HMGCLL1: variants seen among roughly 807,000 people sequenced by gnomAD.
HMGCLL1 encodes 3-hydroxymethyl-3-methylglutaryl-CoA lyase, cytoplasmic.
In HMGCLL1, 36 loss-of-function variants were observed where a neutral mutation model predicts 39.1. The ratio of observed to expected loss-of-function variants is 0.92; its 90% CI spans 0.71 to 1.22. The LOEUF (loss-of-function observed/expected upper bound fraction) is 1.22. Among genes scored for constraint, HMGCLL1 ranks in the 50% most tolerant of loss-of-function variants. HMGCLL1 has a pLI of 0.00. For synonymous variants in HMGCLL1, 149 were observed against 144.0 expected, an observed-to-expected ratio of 1.03 and a Z score of -0.25; for missense variants, 451 against 416.5, an observed-to-expected ratio of 1.08 and a Z score of -0.72.
At position 55,516,573 on chromosome 6, in the gene HMGCLL1, T is replaced by A. The variant is rs931592302; in HGVS notation, c.328A>T (p.Ile110Phe). 2 of 1,601,570 alleles carry A rather than the reference T, an allele frequency of 1.2e-6. No homozygotes were observed. The highest frequency in any genetic ancestry group is 1.3e-5 in the African/African-American group (1 of 74,810). ...MADHTEVMKG[I>F]HQYPGVRYPV... ...TAGCGAACTCCTGGATATTGATGAA[T>A]GCCTTTCATTACTTCAGTGTGATCA... Residue 110 changes from isoleucine to phenylalanine, a missense_variant, in exon 4 of 9, where the codon ATT becomes TTT. Coordinates refer to ENST00000274901, the MANE Select transcript of HMGCLL1 (RefSeq NM_001042406.2).
At chr6:55,586,803 C>T in the HMGCLL1 span, among the ~76,000 whole-genome samples, 1 of 151,908 alleles carries the variant, frequency 6.6e-6, no homozygotes, top group Non-Finnish European at 1.5e-5. Context: ...TATCGTTGGA[C>T]ATTTGGGTTG....
the HMGCLL1 span, among the ~76,000 whole-genome samples, chr6:55,610,477 A>T: frequency 2.6e-5 from 4 of 152,026 alleles, no homozygotes; most frequent in Admixed American, 6.6e-5. Context: ...GGCAGACAAG[A>T]TTAGAGAAAA....
intron 1 of HMGCLL1, among the ~76,000 whole-genome samples, chr6:55,552,404 T>C (rs1468823368): frequency 6.6e-6 from 1 of 152,038 alleles, no homozygotes. Context: ...AGGTAGAAAC[T>C]ATTATCTAAA....
chr6:55,678,721 A>G, the HMGCLL1 span, among the ~76,000 whole-genome samples: 1 of 152,248 alleles, frequency 6.6e-6, no homozygotes, highest in African/African-American at 2.4e-5. Context: ...ATCATTTGGC[A>G]TAGACCAAGG....
chr6:55,664,839 C>T, the HMGCLL1 span, among the ~76,000 whole-genome samples: 1 of 151,616 alleles, frequency 6.6e-6, no homozygotes, highest in South Asian at 2.1e-4. Flanking sequence ...CTCCTTTGGC[C>T]TCTTCACACA....
the HMGCLL1 span, among the ~76,000 whole-genome samples, chr6:55,661,561 A>G: frequency 6.6e-6 from 1 of 151,898 alleles, no homozygotes; most frequent in Non-Finnish European, 1.5e-5. Flanking sequence ...ATTCTGTTTC[A>G]TTGGTATGTG....
At chr6:55,670,806 A>G in the HMGCLL1 span, among the ~76,000 whole-genome samples, 5 of 151,880 alleles carry the variant, frequency 3.3e-5, no homozygotes, top group Non-Finnish European at 7.4e-5. Flanking sequence ...TAATAAACAA[A>G]TAATTGCATT....
chr6:55,665,563 C>T, the HMGCLL1 span, among the ~76,000 whole-genome samples: 1 of 151,664 alleles, frequency 6.6e-6, no homozygotes, highest in African/African-American at 2.4e-5. Flanking sequence ...AAGTACATTA[C>T]CTGCCTCCTT....
intron 7 of HMGCLL1, among the ~76,000 whole-genome samples, chr6:55,486,073 T>TAC (rs552229204): frequency 5.4e-4 from 80 of 148,542 alleles, no homozygotes; most frequent in Admixed American, 3.2e-3. Flanking sequence ...TGTCGGTGTA[T>TAC]ACACACACAC....
the HMGCLL1 span, among the ~76,000 whole-genome samples, chr6:55,655,663 C>G: frequency 5.9e-5 from 9 of 151,846 alleles, no homozygotes; most frequent in Admixed American, 5.9e-4. Flanking sequence ...CACTTAATTA[C>G]CCCATTTGTT....
chr6:55,669,520 T>C, the HMGCLL1 span, among the ~76,000 whole-genome samples: 1 of 151,758 alleles, frequency 6.6e-6, no homozygotes, highest in African/African-American at 2.4e-5. Flanking sequence ...CATGGTAAAA[T>C]ACAATCAATA....
the HMGCLL1 span, among the ~76,000 whole-genome samples, chr6:55,620,036 G>T: frequency 0.76 from 115,689 of 152,082 alleles, 44,068 homozygotes; most frequent in Middle Eastern, 0.8. Context: ...TTTTTTCTGA[G>T]AGTACTCCAT....
the HMGCLL1 span, among the ~76,000 whole-genome samples, chr6:55,589,261 A>C: frequency 1.3e-5 from 2 of 152,182 alleles, no homozygotes; most frequent in Non-Finnish European, 2.9e-5. Context: ...TACACAAATC[A>C]ACAAACGTAA....
the HMGCLL1 span, among the ~76,000 whole-genome samples, chr6:55,667,157 T>C: frequency 6.6e-6 from 1 of 151,732 alleles, no homozygotes; most frequent in East Asian, 1.9e-4. Flanking sequence ...ATATTTAGCA[T>C]TGAGAAGCCC....
the HMGCLL1 span, among the ~76,000 whole-genome samples, chr6:55,588,438 C>A: frequency 6.6e-6 from 1 of 151,526 alleles, no homozygotes; most frequent in African/African-American, 2.4e-5. Flanking sequence ...ACTAAATGCC[C>A]ACAAGAGAAA....
rs769637089 is a variant in HMGCLL1, at chr6:55,578,982, C to T, written c.74G>A (p.Gly25Glu). 1.2e-6 allele frequency: 2 copies of T among 1,613,636 alleles called. No homozygotes were observed. Among genetic ancestry groups the T allele is most frequent in the Non-Finnish European group, 1.7e-6 (2 of 1,179,816 alleles). Residue 25 changes from glycine to glutamate, a missense_variant, in exon 1 of 9, where the codon GGG becomes GAG. Transcript: ENST00000274901. ...GTCGAGCGCCCCTGCCACTGAATCC[C>T]CGATCCAGAGATGCTCCCGGAGAAG... ...QQLLREHLWI[G>E]DSVAGALDPA...
chr6:55,658,691 CA>C, the HMGCLL1 span, among the ~76,000 whole-genome samples: 2 of 151,830 alleles, frequency 1.3e-5, no homozygotes, highest in Admixed American at 1.3e-4. Context: ...TTTCTTTATT[CA>C]ACAAATACTT....
At chr6:55,660,887 T>C in the HMGCLL1 span, among the ~76,000 whole-genome samples, 9 of 151,984 alleles carry the variant, frequency 5.9e-5, no homozygotes, top group African/African-American at 2.2e-4. Context: ...GCATCTGTTA[T>C]TTTTTGACTC....
At chr6:55,456,555 T>A (rs1764329922) in intron 7 of HMGCLL1, among the ~76,000 whole-genome samples, 1 of 152,222 alleles carries the variant, frequency 6.6e-6, no homozygotes, top group African/African-American at 2.4e-5. Flanking sequence ...TCAGGATGCA[T>A]TTCCCCAGTT....
Sources: allele counts gnomAD v4.1 joint callset (sites outside exome capture counted in the v4.1 genomes callset), GRCh38; gene constraint gnomAD v4.1.1; transcripts MANE v1.5; gene names NCBI Gene and HGNC (gene_info 2026-07-23, HGNC 2026-07-21).